The following ANK2 variants were observed in gnomAD, a reference collection of about 807,000 sequenced individuals.
The protein encoded by ANK2 is ankyrin 2.
Under a neutral mutation model 360.5 loss-of-function variants are expected in ANK2, and 83 were observed. The observed-to-expected ratio is 0.23, with a 90% CI of 0.19 to 0.28. ANK2 has a LOEUF of 0.28. ANK2 is among the 10% of genes least tolerant of loss of function. The pLI is 1.00. For missense variants in ANK2, 4,201 were observed against 4,795.7 expected (o/e 0.88, Z 3.66); for synonymous variants, 1,740 against 1,759.5 (o/e 0.99, Z 0.28).
At chr4:112,720,524 C>T in the ANK2 span, among the ~76,000 whole-genome samples, 6 of 152,170 alleles carry the variant, frequency 3.9e-5, no homozygotes, top group Non-Finnish European at 8.8e-5. Context: ...TTTACAAACT[C>T]TCTTGTATAC....
chr4:113,336,817 G>GA (rs753590553), intron 31 of ANK2, 36 bp downstream of exon 31: 3 of 1,592,744 alleles, frequency 1.9e-6, no homozygotes, highest in Non-Finnish European at 2.6e-6. Flanking sequence ...AGAGAGTTCT[G>GA]AAAAAAGAAA....
At chr4:113,062,102 T>C (rs529530906) in intron 1 of ANK2, among the ~76,000 whole-genome samples, 115 of 152,082 alleles carry the variant, frequency 7.6e-4, no homozygotes, top group Non-Finnish European at 1.0e-3. Flanking sequence ...CCTAAGGCCA[T>C]GCCCTGTACA....
chr4:113,057,209 C>G (rs2070498612), intron 1 of ANK2, among the ~76,000 whole-genome samples: 1 of 152,256 alleles, frequency 6.6e-6, no homozygotes, highest in East Asian at 1.9e-4. Flanking sequence ...TAGGTATACT[C>G]ACACATATTA....
the ANK2 span, among the ~76,000 whole-genome samples, chr4:112,755,414 T>A: frequency 6.6e-6 from 1 of 152,338 alleles, no homozygotes; most frequent in African/African-American, 2.4e-5. Flanking sequence ...TTATTTCACC[T>A]GGGTGCAGGC....
chr4:112,887,293 C>A (rs191204229), intron 1 of ANK2, among the ~76,000 whole-genome samples: 9 of 152,146 alleles, frequency 5.9e-5, no homozygotes, highest in African/African-American at 2.2e-4. Flanking sequence ...GAAAGCTAGA[C>A]GGATTCAGTA....
chr4:113,377,169 C>A (rs2096977155), intron 45 of ANK2, among the ~76,000 whole-genome samples: 1 of 151,828 alleles, frequency 6.6e-6, no homozygotes, highest in African/African-American at 2.4e-5. Context: ...GTACATAAAC[C>A]AGTAACATAG....
chr4:113,255,791 G>T lies in ANK2; in HGVS notation c.1047G>T (p.Lys349Asn). 3.1e-6 allele frequency: 5 copies of T among 1,614,182 alleles called. No homozygotes were observed. The highest frequency in any genetic ancestry group is 4.2e-6 in the Non-Finnish European group (5 of 1,180,024). Residue 349 changes from lysine (K) to asparagine (N), a missense_variant, in exon 11 of 46, where the codon AAG becomes AAT. Lys to Asn is a moderately conservative substitution (Grantham distance 94). Coordinates refer to ENST00000357077, the MANE Select transcript of ANK2 (RefSeq NM_001148.6). ...AAQGDHVECV[K>N]HLLQHKAPVD... Reference sequence around the variant, plus strand: ...AGGGAGACCACGTGGAATGTGTGAAGCACCTGTTACAGCACAAGGCACCTG... The same window carrying T: ...AGGGAGACCACGTGGAATGTGTGAATCACCTGTTACAGCACAAGGCACCTG...
Position 113,263,971 on chromosome 4 carries a change from GC to G in ANK2, c.1387-924del, listed in dbSNP as rs559510790. ...CCTTGTTCTTCATGCTACACCTAAA[GC>G]CACCCTTTCCTGACAAATGTGTCAT... On this transcript the variant is annotated intron_variant, in intron 13 of 45. Coordinates refer to ENST00000357077, the MANE Select transcript of ANK2 (RefSeq NM_001148.6). 8.1e-4 allele frequency among the ~76,000 whole-genome samples: 124 copies of G among 152,224 alleles called. 1 individual carries two copies. The South Asian group carries it at 0.024, about 30-fold the overall frequency.
At chr4:112,941,479 A>G (rs2094203404) in intron 2 of ANK2, among the ~76,000 whole-genome samples, 1 of 143,730 alleles carries the variant, frequency 7.0e-6, no homozygotes, top group African/African-American at 2.5e-5. Context: ...ATATATAGAT[A>G]TATAAATAAA....
At chr4:113,346,162 T>A in intron 35 of ANK2, 140 bp downstream of exon 35, 1 of 999,896 alleles carries the variant, frequency 1.0e-6, no homozygotes, top group Non-Finnish European at 1.5e-6. Context: ...CAACAAAGAC[T>A]GATTGAAAGC....
chr4:113,348,121 A>G (rs1266210068), intron 35 of ANK2, 155 bp from the exon 36 acceptor site: 5 of 724,808 alleles, frequency 6.9e-6, no homozygotes, highest in Admixed American at 6.6e-5. Context: ...TGTCTTCTAT[A>G]AACTGTTAGT....
At chr4:112,931,239 G>A (rs1459268574) in intron 2 of ANK2, among the ~76,000 whole-genome samples, 4 of 152,106 alleles carry the variant, frequency 2.6e-5, no homozygotes, top group East Asian at 3.9e-4. Flanking sequence ...GAGCAGGGCC[G>A]TGGAGACCGG....
intron 2 of ANK2, among the ~76,000 whole-genome samples, chr4:113,175,268 A>G (rs932616939): frequency 6.6e-6 from 1 of 152,226 alleles, no homozygotes; most frequent in African/African-American, 2.4e-5. Flanking sequence ...TCTAAATTAT[A>G]TATAAATTCC....
intron 1 of ANK2, among the ~76,000 whole-genome samples, chr4:113,100,585 A>C (rs115107037): frequency 4.7e-4 from 72 of 152,278 alleles, no homozygotes; most frequent in African/African-American, 1.6e-3. Flanking sequence ...TAGCAAGGCT[A>C]AACACAGTCT....
At chr4:113,321,130 T>C (rs908439166) in intron 26 of ANK2, among the ~76,000 whole-genome samples, 1 of 152,352 alleles carries the variant, frequency 6.6e-6, no homozygotes, top group East Asian at 1.9e-4. Context: ...GGCACAGTTA[T>C]ATAAAAATCT....
chr4:113,254,667 C>T (rs1406215138), intron 10 of ANK2, among the ~76,000 whole-genome samples: 2 of 152,198 alleles, frequency 1.3e-5, no homozygotes, highest in Non-Finnish European at 2.9e-5. Context: ...TTATAAGTCA[C>T]ATATACTCTA....
At chr4:113,311,169 T>C in intron 23 of ANK2, 86 bp from the exon 24 acceptor site, 1 of 1,546,818 alleles carries the variant, frequency 6.5e-7, no homozygotes. Context: ...GGTAATGATG[T>C]TGATGCATTT....
At chr4:113,266,200 T>C (rs2055938266) in intron 14 of ANK2, among the ~76,000 whole-genome samples, 1 of 152,182 alleles carries the variant, frequency 6.6e-6, no homozygotes, top group Non-Finnish European at 1.5e-5. Flanking sequence ...AGTGAGAACA[T>C]GCAGTGTTTG....
At chr4:113,234,469 C>T (rs1295005903) in intron 5 of ANK2, among the ~76,000 whole-genome samples, 1 of 152,096 alleles carries the variant, frequency 6.6e-6, no homozygotes, top group Non-Finnish European at 1.5e-5. Context: ...ACTCTCAATG[C>T]CTGCACTAAT....
Sources: gnomAD v4.1 joint callset for allele counts (sites outside exome capture counted in the v4.1 genomes callset) on GRCh38, gnomAD v4.1.1 for gene constraint, MANE v1.5 for transcripts, NCBI Gene and HGNC (gene_info 2026-07-23, HGNC 2026-07-21) for gene names.